Variants in ZNF107 observed in about 807,000 individuals in gnomAD.
ZNF107 encodes the protein C2H2 type zinc-finger protein.
Under a neutral mutation model 12.3 loss-of-function variants are expected in ZNF107, and 19 were observed. The ratio of observed to expected loss-of-function variants is 1.55; its 90% CI spans 1.08 to 2.27. The LOEUF (loss-of-function observed/expected upper bound fraction) is 2.27. ZNF107 is among the 30% of genes most tolerant of loss of function. The probability of loss-of-function intolerance (pLI) is 0.00; values close to 1 mark genes in which losing one functional copy is unlikely to be tolerated. For missense variants in ZNF107, 958 were observed against 979.9 expected (o/e 0.98, Z 0.30); for synonymous variants, 317 against 330.5 (o/e 0.96, Z 0.44).
chr7:64,686,781 G>T (rs1789932349), intron 1 of ZNF107: 2 of 853,562 alleles, frequency 2.3e-6, no homozygotes, highest in Non-Finnish European at 2.8e-6. Flanking sequence ...TTTTCCACCC[G>T]CCACTTTGCC....
At chr7:64,690,410 C>T in intron 1 of ZNF107, 1 of 985,412 alleles carries the variant, frequency 1.0e-6, no homozygotes, top group Non-Finnish European at 1.2e-6. Context: ...TCTGGCCCCA[C>T]CCTGGAGTCT....
chr7:64,702,972 C>CG (rs1231517277), intron 3 of ZNF107, among the ~76,000 whole-genome samples: 1 of 152,016 alleles, frequency 6.6e-6, no homozygotes, highest in Non-Finnish European at 1.5e-5. Flanking sequence ...GGAAGTTATC[C>CG]GCCTTTTATG....
intron 3 of ZNF107, among the ~76,000 whole-genome samples, chr7:64,702,822 G>T (rs899813175): frequency 2.0e-5 from 3 of 152,172 alleles, no homozygotes; most frequent in African/African-American, 7.2e-5. Flanking sequence ...GCCTCCCAGA[G>T]TGCTGGGATT....
At chr7:64,673,762 G>A (rs553203095) in intron 1 of ZNF107, among the ~76,000 whole-genome samples, 3 of 152,220 alleles carry the variant, frequency 2.0e-5, no homozygotes, top group African/African-American at 7.2e-5. Context: ...GTGTAGGAAA[G>A]GTATCCACTT....
intron 3 of ZNF107, among the ~76,000 whole-genome samples, chr7:64,701,626 T>G (rs1459336130): frequency 6.6e-6 from 1 of 152,096 alleles, no homozygotes; most frequent in East Asian, 1.9e-4. Flanking sequence ...ATTTACTTAC[T>G]CATTCATATT....
intron 1 of ZNF107, among the ~76,000 whole-genome samples, chr7:64,674,523 T>C (rs761933421): frequency 6.6e-6 from 1 of 152,220 alleles, no homozygotes; most frequent in African/African-American, 2.4e-5. Flanking sequence ...GACTATAGGC[T>C]TTTCTAGATA....
At chr7:64,705,178 G>T (rs752679514) in intron 3 of ZNF107, among the ~76,000 whole-genome samples, 1 of 151,966 alleles carries the variant, frequency 6.6e-6, no homozygotes, top group Non-Finnish European at 1.5e-5. Context: ...CTTGCAGTTC[G>T]CAAGATTCTG....
At position 64,707,378 on chromosome 7, in the gene ZNF107, T is replaced by G; in HGVS notation, c.1281T>G (p.Cys427Trp). 6.2e-7 allele frequency: 1 copy of G among 1,613,488 alleles called. No homozygotes were observed. Among genetic ancestry groups the G allele is most frequent in the African/African-American group, 1.3e-5 (1 of 75,036 alleles). The change falls in exon 4 of 4, where the codon TGT becomes TGG. Residue 427 changes from cysteine to tryptophan, a missense_variant. Coordinates refer to ENST00000620827, the MANE Select transcript of ZNF107 (RefSeq NM_001282359.2). Reference protein sequence around the residue: ...IIHTGEKPYKCKECGKAFNQS... With the variant: ...IIHTGEKPYKWKECGKAFNQS... ...ATACTGGAGAGAAACCCTACAAATGTAAAGAATGTGGCAAAGCTTTTAACC... is the reference window on the plus strand; with the variant it reads ...ATACTGGAGAGAAACCCTACAAATGGAAAGAATGTGGCAAAGCTTTTAACC...
Position 64,673,626 on chromosome 7 carries a change from T to G in ZNF107, c.3+7341T>G, listed in dbSNP as rs191260739. Among the ~76,000 whole-genome samples, 297 of 152,366 alleles carry G rather than the reference T, an allele frequency of 1.9e-3. 2 individuals carry two copies. The highest frequency in any genetic ancestry group is 6.2e-3 in the African/African-American group (257 of 41,590). ...TTTGTTGCATTTGCTTTTGGCATCT[T>G]CGTCATGAAATCTCTGTCAGTTTCT... On this transcript the variant is annotated intron_variant, in intron 1 of 3. Transcript: ENST00000620827.
intron 1 of ZNF107, chr7:64,689,896 A>C (rs756021205): frequency 2.6e-5 from 4 of 152,192 alleles, no homozygotes; most frequent in Non-Finnish European, 4.4e-5. Context: ...TCCAGTTGAG[A>C]GTTTCCCAGT....
intron 3 of ZNF107, among the ~76,000 whole-genome samples, chr7:64,704,745 G>A (rs1248474208): frequency 6.6e-6 from 1 of 152,016 alleles, no homozygotes; most frequent in South Asian, 2.1e-4. Flanking sequence ...GTGTGACCCC[G>A]GCTCACTGCA....
In ZNF107 at chr7:64,707,172, C is replaced by G. The variant is rs753267312; in HGVS notation, c.1075C>G (p.Gln359Glu). The G allele has an allele frequency of 6.8e-6, 11 of 1,613,524 alleles. No individual in the cohort carries two copies. The highest frequency in any genetic ancestry group is 8.5e-6 in the Non-Finnish European group (10 of 1,179,808). The change falls in exon 4 of 4, where the codon CAG becomes GAG. Residue 359 changes from glutamine (Q) to glutamate (E), a missense_variant. By Grantham distance (29) the Gln-to-Glu change is conservative. Transcript: ENST00000620827. Reference sequence around the variant, plus strand: ...TAACATATCCTCAAACCTTAATAAACAGGAGAAAATTCATACTGGAGGGAA... The same window carrying G: ...TAACATATCCTCAAACCTTAATAAAGAGGAGAAAATTCATACTGGAGGGAA... Reference protein sequence around the residue: ...AFNISSNLNKQEKIHTGGKLN... With the variant: ...AFNISSNLNKEEKIHTGGKLN...
intron 3 of ZNF107, among the ~76,000 whole-genome samples, chr7:64,701,867 C>T (rs1790487905): frequency 6.6e-6 from 1 of 152,008 alleles, no homozygotes; most frequent in African/African-American, 2.4e-5. Context: ...GTGTTCAGCC[C>T]ACCTTGGCCT....
intron 1 of ZNF107, among the ~76,000 whole-genome samples, chr7:64,671,375 T>C (rs1343513427): frequency 6.6e-6 from 1 of 152,178 alleles, no homozygotes; most frequent in Non-Finnish European, 1.5e-5. Flanking sequence ...ACTACAGCAT[T>C]TTTTTATTCT....
At chr7:64,696,673 A>G (rs1437199207) in intron 3 of ZNF107, among the ~76,000 whole-genome samples, 1 of 151,620 alleles carries the variant, frequency 6.6e-6, no homozygotes, top group African/African-American at 2.4e-5. Flanking sequence ...ACACCCTTCC[A>G]CTTTTGGTTT....
rs1191757300 is a variant in ZNF107, at chr7:64,708,219, G to A, written c.2122G>A (p.Ala708Thr). Residue 708 changes from alanine (A) to threonine (T), a missense_variant, in exon 4 of 4, where the codon GCA (alanine) becomes ACA (threonine). Coordinates refer to ENST00000620827, the MANE Select transcript of ZNF107 (RefSeq NM_001282359.2). ...IHTGEKPYQC[A>T]ECGKAFNCSS... is the part of the protein sequence containing the mutation. ...TACGGGAGAGAAACCTTACCAATGT[G>A]CAGAATGTGGCAAAGCCTTTAACTG... 6.2e-7 allele frequency: 1 copy of A among 1,613,388 alleles called. No homozygotes were observed. The highest frequency in any genetic ancestry group is 8.5e-7 in the Non-Finnish European group (1 of 1,179,720).
At chr7:64,702,494 CA>C (rs1241616372) in intron 3 of ZNF107, among the ~76,000 whole-genome samples, 2 of 151,994 alleles carry the variant, frequency 1.3e-5, no homozygotes, top group African/African-American at 4.8e-5. Flanking sequence ...CTATATTTTT[CA>C]GTTGTTGATA....
At chr7:64,681,979 A>T (rs1584471564) in intron 1 of ZNF107, among the ~76,000 whole-genome samples, 1 of 152,022 alleles carries the variant, frequency 6.6e-6, no homozygotes, top group Non-Finnish European at 1.5e-5. Flanking sequence ...ACTGACGCTG[A>T]CACCCATCAG....
At chr7:64,690,450 G>C in intron 1 of ZNF107, 3 of 985,394 alleles carry the variant, frequency 3.0e-6, no homozygotes, top group Non-Finnish European at 3.6e-6. Context: ...GAAGAGATCA[G>C]AGTTTTGGCT....
Sources: gnomAD v4.1 joint callset for allele counts (sites outside exome capture counted in the v4.1 genomes callset) on GRCh38, gnomAD v4.1.1 for gene constraint, MANE v1.5 for transcripts, NCBI Gene and HGNC (gene_info 2026-07-23, HGNC 2026-07-21) for gene names.